Variants in SHC4 observed in about 807,000 individuals in gnomAD.
The protein encoded by SHC4 is SHC adaptor protein 4.
A neutral mutation model predicts 69.4 loss-of-function variants in SHC4; 41 were observed. That is an observed-to-expected ratio of 0.59 (90% CI 0.46 to 0.77). The LOEUF (loss-of-function observed/expected upper bound fraction) is 0.77, where lower values mean the gene tolerates loss of function less well. SHC4 is among the 30% of genes least tolerant of loss of function. The pLI, the probability that SHC4 is intolerant of heterozygous loss-of-function variation, is 0.00. For synonymous variants in SHC4, 318 were observed against 299.3 expected, an observed-to-expected ratio of 1.06 and a Z score of -0.64; for missense variants, 777 against 783.8, an observed-to-expected ratio of 0.99 and a Z score of 0.10.
intron 8 of SHC4, among the ~76,000 whole-genome samples, chr15:48,854,361 T>C (rs1899271589): frequency 6.6e-6 from 1 of 152,238 alleles, no homozygotes; most frequent in South Asian, 2.1e-4. Context: ...CATACACTGT[T>C]GGTAGGAATG....
chr15:48,869,450 G>A (rs1899625009), intron 5 of SHC4, among the ~76,000 whole-genome samples: 3 of 152,170 alleles, frequency 2.0e-5, no homozygotes, highest in African/African-American at 2.4e-5. Context: ...AGCTGTAAAC[G>A]ATCTCAGTTA....
intron 2 of SHC4, among the ~76,000 whole-genome samples, chr15:48,905,670 C>G (rs773575874): frequency 6.6e-6 from 1 of 152,246 alleles, no homozygotes; most frequent in South Asian, 2.1e-4. Context: ...ATTCAGCAAT[C>G]AGAGCTAAAA....
In SHC4 at chr15:48,920,378, C is replaced by T. The variant is rs1985112; in HGVS notation, c.656+4501G>A. Among the ~76,000 whole-genome samples, 603 of 151,998 alleles carry T rather than the reference C, an allele frequency of 4.0e-3. 6 individuals are homozygous for T. The highest frequency in any genetic ancestry group is 0.014 in the African/African-American group (591 of 41,452). On this transcript the variant is annotated intron_variant, in intron 2 of 11. Transcript: ENST00000332408. Reference sequence around the variant, plus strand: ...GCAGGAGCTTTGTAATATTGCACATCTGAGTGATGAATGATCATTCTTGAT... The same window carrying T: ...GCAGGAGCTTTGTAATATTGCACATTTGAGTGATGAATGATCATTCTTGAT...
At position 48,839,191 on chromosome 15, in the gene SHC4, A is replaced by G. The variant is rs1326650306; in HGVS notation, c.1484-4169T>C. Among the ~76,000 whole-genome samples, 3 of 152,184 alleles carry G rather than the reference A, an allele frequency of 2.0e-5. No individual in the cohort carries two copies. The East Asian group carries it at 5.8e-4, about 29-fold the overall frequency. ...TATGGATGTTTTAGGCACTAAAAAGACAATAAAGGAATATTGTGGAAAACT... is the reference window on the plus strand; with the variant it reads ...TATGGATGTTTTAGGCACTAAAAAGGCAATAAAGGAATATTGTGGAAAACT... On this transcript the variant is annotated intron_variant, in intron 10 of 11. Coordinates refer to ENST00000332408, the MANE Select transcript of SHC4 (RefSeq NM_203349.4).
At chr15:48,882,879 C>T (rs1405076180) in intron 4 of SHC4, among the ~76,000 whole-genome samples, 2 of 152,206 alleles carry the variant, frequency 1.3e-5, no homozygotes, top group Non-Finnish European at 2.9e-5. Flanking sequence ...TCACCACCCA[C>T]ATGTGTCTTC....
chr15:48,923,926 C>CCACT (rs1253147204), intron 2 of SHC4, among the ~76,000 whole-genome samples: 3 of 152,246 alleles, frequency 2.0e-5, no homozygotes, highest in Admixed American at 6.5e-5. Flanking sequence ...CAAGCGTGAG[C>CCACT]CACTGCACCA....
chr15:48,943,956 T>C (rs1444351469), intron 1 of SHC4, among the ~76,000 whole-genome samples: 1 of 151,598 alleles, frequency 6.6e-6, no homozygotes, highest in Non-Finnish European at 1.5e-5. Flanking sequence ...ACATTGGGGA[T>C]CTGTTAGTAA....
rs760994841 is a variant in SHC4, at chr15:48,843,591, G to A, written c.1304-3C>T. On this transcript the variant is annotated splice_region_variant and splice_polypyrimidine_tract_variant and intron_variant, in intron 9 of 11. Coordinates refer to ENST00000332408, the MANE Select transcript of SHC4 (RefSeq NM_203349.4). ...CACCCCTCTTGGATGGACATTACCTGTAGTGATTAGTAGTGATCAATACAT... is the reference window on the plus strand; with the variant it reads ...CACCCCTCTTGGATGGACATTACCTATAGTGATTAGTAGTGATCAATACAT... 3.7e-6 allele frequency: 6 copies of A among 1,606,964 alleles called. No individual in the cohort carries two copies. In the Admixed American group the frequency reaches 8.4e-5, roughly 23 times the overall value.
At chr15:48,938,090 C>T (rs1409783228) in intron 1 of SHC4, 1 of 152,176 alleles carries the variant, frequency 6.6e-6, no homozygotes, top group Non-Finnish European at 1.5e-5. Flanking sequence ...ACCAGGAATG[C>T]TACTCTCTGT....
intron 4 of SHC4, 39 bp from the exon 5 acceptor site, chr15:48,872,181 G>T: frequency 6.9e-6 from 8 of 1,157,240 alleles, no homozygotes; most frequent in African/African-American, 1.6e-5. Flanking sequence ...TAAATTAATT[G>T]TTATTTCTAG....
chr15:48,882,314 C>T (rs2141001602), intron 4 of SHC4, among the ~76,000 whole-genome samples: 1 of 152,206 alleles, frequency 6.6e-6, no homozygotes, highest in African/African-American at 2.4e-5. Flanking sequence ...GCCCTCAGGT[C>T]TGAGATAAAT....
At chr15:48,874,891 C>T (rs1449192642) in intron 4 of SHC4, among the ~76,000 whole-genome samples, 2 of 152,112 alleles carry the variant, frequency 1.3e-5, no homozygotes, top group East Asian at 3.9e-4. Context: ...CCTGACCCGC[C>T]CATTATTTTA....
intron 6 of SHC4, among the ~76,000 whole-genome samples, chr15:48,859,598 G>A (rs1257515292): frequency 1.3e-5 from 2 of 152,118 alleles, no homozygotes; most frequent in Non-Finnish European, 2.9e-5. Flanking sequence ...GTGACCAACA[G>A]ATAGAAAATG....
intron 6 of SHC4, among the ~76,000 whole-genome samples, chr15:48,867,594 G>A (rs570149092): frequency 6.6e-6 from 1 of 152,290 alleles, no homozygotes; most frequent in Non-Finnish European, 1.5e-5. Flanking sequence ...TAAGCCTTTG[G>A]TTTGTGGATC....
chr15:48,958,479 T>C (rs2031981172), intron 1 of SHC4, among the ~76,000 whole-genome samples: 1 of 152,174 alleles, frequency 6.6e-6, no homozygotes, highest in African/African-American at 2.4e-5. Flanking sequence ...GGGGTTGTGG[T>C]GAGGGCCACT....
At chr15:48,960,709 G>A (rs559834828) in intron 1 of SHC4, among the ~76,000 whole-genome samples, 7 of 152,166 alleles carry the variant, frequency 4.6e-5, no homozygotes, top group Admixed American at 2.0e-4. Flanking sequence ...CAGACATCTC[G>A]CCTGAGTGCT....
chr15:48,916,322 G>A (rs1356465924), intron 2 of SHC4, among the ~76,000 whole-genome samples: 1 of 148,050 alleles, frequency 6.8e-6, no homozygotes, highest in Non-Finnish European at 1.5e-5. Context: ...CACACACCCA[G>A]AAGTATGCAT....
At chr15:48,848,281 C>CT (rs999066426) in intron 9 of SHC4, among the ~76,000 whole-genome samples, 6 of 151,998 alleles carry the variant, frequency 3.9e-5, no homozygotes, top group Admixed American at 1.3e-4. Flanking sequence ...TCAGAAATGG[C>CT]TTTTTTATGG....
chr15:48,929,422 A>G (rs763700811), intron 1 of SHC4, among the ~76,000 whole-genome samples: 1 of 152,138 alleles, frequency 6.6e-6, no homozygotes, highest in Non-Finnish European at 1.5e-5. Context: ...TTTTTATGAG[A>G]TTAGTCATTG....
Sources: gnomAD v4.1 joint callset for allele counts (sites outside exome capture counted in the v4.1 genomes callset) on GRCh38, gnomAD v4.1.1 for gene constraint, MANE v1.5 for transcripts, NCBI Gene and HGNC (gene_info 2026-07-23, HGNC 2026-07-21) for gene names.